Variants in H2BC13 observed in about 807,000 individuals in gnomAD.
H2BC13 encodes histone H2B type 1-L.
Under a neutral mutation model 6.3 loss-of-function variants are expected in H2BC13, and 12 were observed. That is an observed-to-expected ratio of 1.90 (90% CI 1.22 to 3.08). H2BC13 has a LOEUF of 3.08. H2BC13 is among the 30% of genes most tolerant of loss of function. The pLI, the probability that H2BC13 is intolerant of heterozygous loss-of-function variation, is 0.00. For synonymous variants in H2BC13, 109 were observed against 74.3 expected (o/e 1.47, Z -2.40); for missense variants, 164 against 170.4 (o/e 0.96, Z 0.21).
chr6:27,807,865 G>A lies in H2BC13; in HGVS notation c.42C>T (p.Gly14=). The A allele has an allele frequency of 2.5e-6, 4 of 1,614,152 alleles. No homozygotes were observed. The highest frequency in any genetic ancestry group is 2.5e-6 in the Non-Finnish European group (3 of 1,179,988). The change falls in exon 1 of 1, where the codon GGC becomes GGT. Residue 14 remains glycine, a synonymous_variant. Transcript: ENST00000377401. ...LAKSAPAPKK[G]SKKAVTKAQK... ...GGGCCTTGGTCACCGCCTTCTTGGAGCCCTTCTTCGGGGCGGGAGCAGACT... is the reference window on the plus strand; with the variant it reads ...GGGCCTTGGTCACCGCCTTCTTGGAACCCTTCTTCGGGGCGGGAGCAGACT...
At position 27,807,720 on chromosome 6, in the gene H2BC13, T is replaced by C. The variant is rs762083445; in HGVS notation, c.187A>G (p.Met63Val). ...AAGATGTCGTTGACGAAGGAGTTCA[T>C]GATTCCCATGGCCTTAGAAGAGATG... is the stretch of plus-strand genomic sequence containing the variant. The part of the protein sequence containing the change: ...TGISSKAMGI[M>V]NSFVNDIFER... Residue 63 changes from methionine (M) to valine (V), a missense_variant, in exon 1 of 1, where the codon ATG becomes GTG. Transcript: ENST00000377401. 2.5e-6 allele frequency: 4 copies of C among 1,614,230 alleles called. No homozygotes were observed. Among genetic ancestry groups the C allele is most frequent in the Non-Finnish European group, 2.5e-6 (3 of 1,180,036 alleles).
chr6:27,807,754 G>C lies in H2BC13; in HGVS notation c.153C>G (p.Pro51=), dbSNP rs1760465520. ...TGGCCTTAGAAGAGATGCCGGTGTC[G>C]GGGTGGACCTGCTTCAGCACCTTGT... ...YVYKVLKQVH[P]DTGISSKAMG... The change falls in exon 1 of 1, where the codon CCC becomes CCG. Residue 51 remains proline (P), a synonymous_variant. Coordinates refer to ENST00000377401, the MANE Select transcript of H2BC13 (RefSeq NM_003519.4). The C allele has an allele frequency of 1.9e-6, 3 of 1,614,246 alleles. No homozygotes were observed. Among genetic ancestry groups the C allele is most frequent in the South Asian group, 2.2e-5 (2 of 91,092 alleles).
Position 27,807,740 on chromosome 6 carries a change from G to A in H2BC13, c.167C>T (p.Ser56Phe). Residue 56 changes from serine (S) to phenylalanine (F), a missense_variant, in exon 1 of 1, where the codon TCT becomes TTT. Ser to Phe is a radical substitution (Grantham distance 155, BLOSUM62 -2). Transcript: ENST00000377401. ...LKQVHPDTGI[S>F]SKAMGIMNSF... Reference sequence around the variant, plus strand: ...GTTCATGATTCCCATGGCCTTAGAAGAGATGCCGGTGTCGGGGTGGACCTG... The same window carrying A: ...GTTCATGATTCCCATGGCCTTAGAAAAGATGCCGGTGTCGGGGTGGACCTG... 1 of 1,614,258 alleles carries A rather than the reference G, an allele frequency of 6.2e-7. No individual in the cohort carries two copies. The highest frequency in any genetic ancestry group is 8.5e-7 in the Non-Finnish European group (1 of 1,180,058).
At position 27,807,818 on chromosome 6, in the gene H2BC13, C is replaced by T; in HGVS notation, c.89G>A (p.Arg30His). Residue 30 changes from arginine to histidine, a missense_variant, in exon 1 of 1, where the codon CGC (arginine) becomes CAC (histidine). Arg to His is a conservative substitution (Grantham distance 29). Transcript: ENST00000377401. Reference protein sequence around the residue: ...TKAQKKDGKKRKRSRKESYSV... With the variant: ...TKAQKKDGKKHKRSRKESYSV... ...GTAGCTCTCCTTGCGGCTGCGCTTG[C>T]GCTTCTTGCCATCCTTCTTCTGGGC... The T allele has an allele frequency of 6.2e-7, 1 of 1,614,250 alleles. No individual in the cohort carries two copies. The highest frequency in any genetic ancestry group is 1.1e-5 in the South Asian group (1 of 91,092).
In H2BC13 at chr6:27,807,847, G is replaced by C; in HGVS notation, c.60C>G (p.Thr20=). Residue 20 remains threonine (T), a synonymous_variant, in exon 1 of 1, where the codon ACC becomes ACG. Coordinates refer to ENST00000377401, the MANE Select transcript of H2BC13 (RefSeq NM_003519.4). Reference sequence around the variant, plus strand: ...TCTTGCCATCCTTCTTCTGGGCCTTGGTCACCGCCTTCTTGGAGCCCTTCT... The same window carrying C: ...TCTTGCCATCCTTCTTCTGGGCCTTCGTCACCGCCTTCTTGGAGCCCTTCT... ...APKKGSKKAV[T]KAQKKDGKKR... 1.2e-6 allele frequency: 2 copies of C among 1,614,168 alleles called. No individual in the cohort carries two copies. Among genetic ancestry groups the C allele is most frequent in the Middle Eastern group, 1.7e-4 (1 of 6,060 alleles).
Position 27,807,480 on chromosome 6 carries a change from G to C in H2BC13, c.*46C>G. ...AACCAGCTCTTCTTTAGATAATAGT[G>C]AGTGGCTCTGAAAAGAGCCTTTGGG... On this transcript the variant is annotated 3_prime_UTR_variant, in exon 1 of 1. Transcript: ENST00000377401. The C allele has an allele frequency of 6.2e-7, 1 of 1,604,360 alleles. No individual in the cohort carries two copies. The highest frequency in any genetic ancestry group is 8.5e-7 in the Non-Finnish European group (1 of 1,175,876).
In H2BC13 at chr6:27,807,666, G is replaced by A. The variant is rs1760461353; in HGVS notation, c.241C>T (p.Leu81=). 6.2e-7 allele frequency: 1 copy of A among 1,614,256 alleles called. No individual in the cohort carries two copies. The highest frequency in any genetic ancestry group is 8.5e-7 in the Non-Finnish European group (1 of 1,180,044). ...FERIASEASR[L]AHYNKRSTIT... is the part of the protein sequence containing the mutation. The stretch of plus-strand genomic sequence containing the variant: ...GTCGAGCGCTTGTTGTAGTGCGCCA[G>A]GCGGGAAGCCTCGCTTGCGATGCGC... The change falls in exon 1 of 1, where the codon CTG becomes TTG. Residue 81 remains leucine, a synonymous_variant. Transcript: ENST00000377401.
rs200638201 is a variant in H2BC13 at position 27,807,520 on chromosome 6, G to A, written c.*6C>T. On this transcript the variant is annotated 3_prime_UTR_variant, in exon 1 of 1. Transcript: ENST00000377401. ...GAGCCTTTGGGTTGGACAAGAGCTT[G>A]AGAATTTACTTGGAGCTGGTGTACT... 1.2e-5 allele frequency: 19 copies of A among 1,613,848 alleles called. No homozygotes were observed. Among genetic ancestry groups the A allele is most frequent in the Admixed American group, 1.7e-5 (1 of 59,978 alleles).
Position 27,807,593 on chromosome 6 carries a change from C to T in H2BC13, c.314G>A (p.Gly105Glu). 6.2e-7 allele frequency: 1 copy of T among 1,614,176 alleles called. No homozygotes were observed. Among genetic ancestry groups the T allele is most frequent in the Non-Finnish European group, 8.5e-7 (1 of 1,180,030 alleles). The change falls in exon 1 of 1, where the codon GGG (glycine) becomes GAG (glutamate). Residue 105 changes from glycine (G) to glutamate (E), a missense_variant. By Grantham distance (98) the Gly-to-Glu change is moderately conservative. Coordinates refer to ENST00000377401, the MANE Select transcript of H2BC13 (RefSeq NM_003519.4). ...IQTAVRLLLP[G>E]ELAKHAVSEG... ...CGACACCGCGTGCTTGGCCAGCTCC[C>T]CCGGAAGCAGCAGGCGCACGGCGGT...
At position 27,807,916 on chromosome 6, in the gene H2BC13, A is replaced by G; in HGVS notation, c.-10T>C. On this transcript the variant is annotated 5_prime_UTR_variant, in exon 1 of 1. Transcript: ENST00000377401. ...TGGCCAGCTCGGGCATAATGAAACA[A>G]TAGTGGCAAAACCAAAACAAGAAGT... The G allele has an allele frequency of 6.2e-7, 1 of 1,613,198 alleles. No homozygotes were observed. The highest frequency in any genetic ancestry group is 8.5e-7 in the Non-Finnish European group (1 of 1,179,752).
rs1439333410 is a variant in H2BC13, at chr6:27,807,922, G to A, written c.-16C>T. 1.9e-6 allele frequency: 3 copies of A among 1,611,822 alleles called. No homozygotes were observed. Among genetic ancestry groups the A allele is most frequent in the Admixed American group, 1.7e-5 (1 of 59,202 alleles). ...GCTCGGGCATAATGAAACAATAGTG[G>A]CAAAACCAAAACAAGAAGTCGGTCT... On this transcript the variant is annotated 5_prime_UTR_variant, in exon 1 of 1. Coordinates refer to ENST00000377401, the MANE Select transcript of H2BC13 (RefSeq NM_003519.4).
At position 27,807,907 on chromosome 6, in the gene H2BC13, A is replaced by AT. The variant is rs769943414; in HGVS notation, c.-2_-1insA. On this transcript the variant is annotated 5_prime_UTR_variant, in exon 1 of 1. Coordinates refer to ENST00000377401, the MANE Select transcript of H2BC13 (RefSeq NM_003519.4). ...GAGCAGACTTGGCCAGCTCGGGCAT[A>AT]ATGAAACAATAGTGGCAAAACCAAA... The AT allele has an allele frequency of 1.0e-4, 166 of 1,613,790 alleles. No homozygotes were observed. Among genetic ancestry groups the AT allele is most frequent in the Admixed American group, 3.2e-4 (19 of 59,932 alleles).
chr6:27,807,915 A>G lies in H2BC13; in HGVS notation c.-9T>C. 6.2e-7 allele frequency: 1 copy of G among 1,613,054 alleles called. No homozygotes were observed. Among genetic ancestry groups the G allele is most frequent in the East Asian group, 2.2e-5 (1 of 44,862 alleles). On this transcript the variant is annotated 5_prime_UTR_variant, in exon 1 of 1. Transcript: ENST00000377401. ...TTGGCCAGCTCGGGCATAATGAAAC[A>G]ATAGTGGCAAAACCAAAACAAGAAG...
At position 27,807,921 on chromosome 6, in the gene H2BC13, G is replaced by A. The variant is rs755169326; in HGVS notation, c.-15C>T. 8.1e-6 allele frequency: 13 copies of A among 1,611,536 alleles called. No individual in the cohort carries two copies. The highest frequency in any genetic ancestry group is 1.1e-5 in the Non-Finnish European group (13 of 1,179,198). On this transcript the variant is annotated 5_prime_UTR_variant, in exon 1 of 1. Coordinates refer to ENST00000377401, the MANE Select transcript of H2BC13 (RefSeq NM_003519.4). ...AGCTCGGGCATAATGAAACAATAGT[G>A]GCAAAACCAAAACAAGAAGTCGGTC...
rs750552388 is a variant in H2BC13 at position 27,807,482 on chromosome 6, G to C, written c.*44C>G. 7 of 1,604,912 alleles carry C rather than the reference G, an allele frequency of 4.4e-6. No individual in the cohort carries two copies. Among genetic ancestry groups the C allele is most frequent in the Non-Finnish European group, 6.0e-6 (7 of 1,176,158 alleles). ...CCAGCTCTTCTTTAGATAATAGTGA[G>C]TGGCTCTGAAAAGAGCCTTTGGGTT... On this transcript the variant is annotated 3_prime_UTR_variant, in exon 1 of 1. Transcript: ENST00000377401.
rs200484 is a variant in H2BC13 at position 27,807,896 on chromosome 6, A to G, written c.11T>C (p.Leu4Pro). MPE[L>P]AKSAPAPKKG... is the part of the protein sequence containing the mutation. ...CTTCGGGGCGGGAGCAGACTTGGCC[A>G]GCTCGGGCATAATGAAACAATAGTG... Residue 4 changes from leucine to proline, a missense_variant, in exon 1 of 1, where the codon CTG becomes CCG. By Grantham distance (98) the Leu-to-Pro change is moderately conservative (BLOSUM62 -3). Transcript: ENST00000377401. 190,729 of 1,613,976 alleles carry G rather than the reference A, an allele frequency of 0.12. 12,384 individuals are homozygous for G. The highest frequency in any genetic ancestry group is 0.19 in the African/African-American group (14,062 of 74,976).
In H2BC13 at chr6:27,807,649, C is replaced by G; in HGVS notation, c.258G>C (p.Lys86Asn). Residue 86 changes from lysine to asparagine, a missense_variant, in exon 1 of 1, where the codon AAG becomes AAC. Coordinates refer to ENST00000377401, the MANE Select transcript of H2BC13 (RefSeq NM_003519.4). ...TCTCCCTGGAGGTGATGGTCGAGCG[C>G]TTGTTGTAGTGCGCCAGGCGGGAAG... ...SEASRLAHYN[K>N]RSTITSREIQ... is the part of the protein sequence containing the mutation. 1.9e-6 allele frequency: 3 copies of G among 1,614,240 alleles called. No individual in the cohort carries two copies. Among genetic ancestry groups the G allele is most frequent in the Non-Finnish European group, 2.5e-6 (3 of 1,180,038 alleles).
At position 27,807,787 on chromosome 6, in the gene H2BC13, C is replaced by G. The variant is rs770097608; in HGVS notation, c.120G>C (p.Val40=). 6.2e-7 allele frequency: 1 copy of G among 1,614,142 alleles called. No homozygotes were observed. The highest frequency in any genetic ancestry group is 8.5e-7 in the Non-Finnish European group (1 of 1,180,064). The change falls in exon 1 of 1, where the codon GTG becomes GTC. Residue 40 remains valine, a synonymous_variant. Coordinates refer to ENST00000377401, the MANE Select transcript of H2BC13 (RefSeq NM_003519.4). ...CCTGCTTCAGCACCTTGTACACGTA[C>G]ACGGAGTAGCTCTCCTTGCGGCTGC... ...RKRSRKESYS[V]YVYKVLKQVH...
chr6:27,807,537 TGG>T lies in H2BC13; in HGVS notation c.368_369del (p.Thr123LysfsTer?), dbSNP rs1561922421. The T allele has an allele frequency of 3.7e-6, 6 of 1,614,078 alleles. No homozygotes were observed. The highest frequency in any genetic ancestry group is 5.1e-6 in the Non-Finnish European group (6 of 1,180,034). On this transcript the variant is annotated frameshift_variant, in exon 1 of 1. Coordinates refer to ENST00000377401, the MANE Select transcript of H2BC13 (RefSeq NM_003519.4). LOFTEE classifies it high-confidence loss of function. ...AAGAGCTTGAGAATTTACTTGGAGC[TGG>T]TGTACTTGGTGACGGCCTTGGTGCC... ...SEGTKAVTKY[T>X]SSK
Sources: gnomAD v4.1 joint callset for allele counts on GRCh38, gnomAD v4.1.1 for gene constraint, MANE v1.5 for transcripts, NCBI Gene and HGNC (gene_info 2026-07-23, HGNC 2026-07-21) for gene names.